The following EEF1AKMT3 variants were observed in gnomAD, a reference collection of about 807,000 sequenced individuals.
The protein encoded by EEF1AKMT3 is EEF1A lysine methyltransferase 3, also known as eEF1A-KMT3.
Under a neutral mutation model 17.8 loss-of-function variants are expected in EEF1AKMT3, and 17 were observed. The observed-to-expected ratio is 0.96, with a 90% CI of 0.65 to 1.43. The LOEUF (loss-of-function observed/expected upper bound fraction) is 1.43, where lower values mean the gene tolerates loss of function less well. EEF1AKMT3 is among the 40% of genes most tolerant of loss of function. EEF1AKMT3 has a pLI of 0.00. For missense variants in EEF1AKMT3, 244 were observed against 285.8 expected, an observed-to-expected ratio of 0.85 and a Z score of 1.06; for synonymous variants, 116 against 126.5, an observed-to-expected ratio of 0.92 and a Z score of 0.56.
intron 2 of EEF1AKMT3, among the ~76,000 whole-genome samples, chr12:57,779,364 A>G (rs1441361148): frequency 2.6e-5 from 4 of 152,106 alleles, no homozygotes; most frequent in Non-Finnish European, 5.9e-5. Context: ...CCACTGGACC[A>G]TAAGCTCTGT....
At position 57,772,948 on chromosome 12, in the gene EEF1AKMT3, C is replaced by T. The variant is rs1433694313; in HGVS notation, c.177+47C>T. ...GTGAGGGTCCGTGGGAGGTCCAGATCCCGGACTCCGCCTCTCCCATATGGA... is the reference window on the plus strand; with the variant it reads ...GTGAGGGTCCGTGGGAGGTCCAGATTCCGGACTCCGCCTCTCCCATATGGA... On this transcript the variant is annotated intron_variant, in intron 1 of 2. Transcript: ENST00000300209. The surrounding 1 kb of genome is among the most constrained non-coding windows in gnomAD (Gnocchi z 4.1). 20 of 1,612,848 alleles carry T rather than the reference C, an allele frequency of 1.2e-5. No individual in the cohort carries two copies. The highest frequency in any genetic ancestry group is 1.7e-5 in the Non-Finnish European group (20 of 1,179,014).
chr12:57,775,864 G>A (rs1955477573), intron 2 of EEF1AKMT3, among the ~76,000 whole-genome samples: 1 of 152,040 alleles, frequency 6.6e-6, no homozygotes, highest in Non-Finnish European at 1.5e-5. Flanking sequence ...CCTTTGACAC[G>A]ACCCTCTTTC....
chr12:57,775,360 C>G (rs1044862344), intron 2 of EEF1AKMT3, among the ~76,000 whole-genome samples: 8 of 150,196 alleles, frequency 5.3e-5, no homozygotes, highest in African/African-American at 1.9e-4. Context: ...TCACCCAGTC[C>G]TATGAGTTAA....
rs1435634543 is a variant in EEF1AKMT3 at position 57,772,808 on chromosome 12, G to A, written c.84G>A (p.Ser28=). 3.1e-6 allele frequency: 5 copies of A among 1,614,048 alleles called. No individual in the cohort carries two copies. The African/African-American group carries it at 6.7e-5, about 22-fold the overall frequency. The change falls in exon 1 of 3, where the codon TCG becomes TCA. Residue 28 remains serine, a synonymous_variant. Transcript: ENST00000300209. The surrounding 1 kb of genome is among the most constrained non-coding windows in gnomAD (Gnocchi z 4.1). ...TCGGGCTCTTTGCAGACTCTTACTC[G>A]GAGAAGAGCCAGTTCTGTTTCTGTG... is the stretch of plus-strand genomic sequence containing the variant. ...REVGLFADSY[S]EKSQFCFCGH...
At chr12:57,776,255 AC>A (rs1435503275) in intron 2 of EEF1AKMT3, among the ~76,000 whole-genome samples, 2 of 151,568 alleles carry the variant, frequency 1.3e-5, no homozygotes, top group Non-Finnish European at 3.0e-5. Context: ...AGTTCCTCAA[AC>A]CTACTCTGAT....
intron 2 of EEF1AKMT3, among the ~76,000 whole-genome samples, chr12:57,774,920 A>G (rs943489282): frequency 4.6e-5 from 7 of 152,028 alleles, no homozygotes; most frequent in Admixed American, 3.9e-4. Context: ...AGCCTGACCA[A>G]CATGGAGAAA....
At position 57,781,746 on chromosome 12, in the gene EEF1AKMT3, C is replaced by G. The variant is rs1442883571; in HGVS notation, c.*1100C>G. On this transcript the variant is annotated 3_prime_UTR_variant, in exon 3 of 3. Transcript: ENST00000300209. ...AGTTCCTAATGTGTTTTGCCTTAAC[C>G]TCTTTTCTCTTCCCACATTGGTACT... 2 of 152,024 alleles carry G rather than the reference C, an allele frequency of 1.3e-5. No homozygotes were observed. Among genetic ancestry groups the G allele is most frequent in the Non-Finnish European group, 1.5e-5 (1 of 67,998 alleles). The allele number at this position is 152,024 out of a possible 1,614,324, so 9.4% of individuals were successfully genotyped here. A position where few individuals can be genotyped will look rare whatever the true frequency, so the allele number is the denominator to read the frequency against.
chr12:57,773,270 G>T (rs1955456871), intron 2 of EEF1AKMT3, 142 bp downstream of exon 2: 3 of 795,212 alleles, frequency 3.8e-6, no homozygotes, highest in Non-Finnish European at 5.8e-6. Context: ...TTTAAAATTT[G>T]TTTTTGTTTT....
At chr12:57,774,523 T>C in intron 2 of EEF1AKMT3, 1 of 604,914 alleles carries the variant, frequency 1.7e-6, no homozygotes, top group East Asian at 2.8e-5. Context: ...AGGCATTCAT[T>C]CTTCTATTCA....
Position 57,772,853 on chromosome 12 carries a change from G to C in EEF1AKMT3, c.129G>C (p.Thr43=). The change falls in exon 1 of 3, where the codon ACG becomes ACC. Residue 43 remains threonine, a synonymous_variant. Transcript: ENST00000300209. This position sits in a 1 kb window ranked among gnomAD's most constrained non-coding sequence, Gnocchi z 4.1. ...FCFCGHVLTI[T]QNFGSRLGVA... Reference sequence around the variant, plus strand: ...TCTGTGGGCATGTGCTGACCATCACGCAGAACTTTGGGTCCCGCCTCGGGG... The same window carrying C: ...TCTGTGGGCATGTGCTGACCATCACCCAGAACTTTGGGTCCCGCCTCGGGG... 6.2e-7 allele frequency: 1 copy of C among 1,614,194 alleles called. No homozygotes were observed. The highest frequency in any genetic ancestry group is 8.5e-7 in the Non-Finnish European group (1 of 1,180,012).
In EEF1AKMT3 at chr12:57,781,027, G is replaced by A. The variant is rs1363319801; in HGVS notation, c.*381G>A. 2.3e-5 allele frequency: 5 copies of A among 216,354 alleles called. No homozygotes were observed. Among genetic ancestry groups the A allele is most frequent in the Non-Finnish European group, 4.5e-5 (5 of 110,890 alleles). The allele number at this position is 216,354 out of a possible 1,614,324, so 13.4% of individuals were successfully genotyped here. On this transcript the variant is annotated 3_prime_UTR_variant, in exon 3 of 3. Coordinates refer to ENST00000300209, the MANE Select transcript of EEF1AKMT3 (RefSeq NM_015433.3). ...TTCCTGTTGCTGTTTACACAGAATGGACTTTAAAAAAATTCTGTGGGATTT... is the reference window on the plus strand; with the variant it reads ...TTCCTGTTGCTGTTTACACAGAATGAACTTTAAAAAAATTCTGTGGGATTT...
intron 2 of EEF1AKMT3, among the ~76,000 whole-genome samples, chr12:57,777,914 G>A (rs755476288): frequency 1.3e-5 from 2 of 151,720 alleles, no homozygotes; most frequent in Non-Finnish European, 2.9e-5. Context: ...AGCTACTTGC[G>A]AGGCTGAGGC....
chr12:57,778,202 C>G (rs1955491655), intron 2 of EEF1AKMT3, among the ~76,000 whole-genome samples: 2 of 151,280 alleles, frequency 1.3e-5, no homozygotes, highest in African/African-American at 4.9e-5. Context: ...TCTTCCTGTC[C>G]AAATTGCGCC....
rs1056769460 is a variant in EEF1AKMT3, at chr12:57,775,708, C to T, written c.289+2580C>T. ...CACTGGCATCTCTTGCCTGGATTTT[C>T]GCAAGGGCCTTCAAGCTTCTTCTGG... On this transcript the variant is annotated intron_variant, in intron 2 of 2. Coordinates refer to ENST00000300209, the MANE Select transcript of EEF1AKMT3 (RefSeq NM_015433.3). Among the ~76,000 whole-genome samples the T allele has an allele frequency of 5.3e-5, 8 of 152,148 alleles. No homozygotes were observed. In the East Asian group the frequency reaches 5.8e-4, roughly 11 times the overall value.
intron 2 of EEF1AKMT3, 122 bp from the exon 3 acceptor site, chr12:57,780,133 T>C (rs1955503202): frequency 1.7e-6 from 2 of 1,196,938 alleles, no homozygotes; most frequent in African/African-American, 1.5e-5. Flanking sequence ...AAAGCCAGTG[T>C]GGGCTCTGGG....
chr12:57,777,745 C>T (rs539306473), intron 2 of EEF1AKMT3, among the ~76,000 whole-genome samples: 12 of 152,136 alleles, frequency 7.9e-5, no homozygotes, highest in Non-Finnish European at 1.5e-4. Context: ...TGAAGCCGGA[C>T]GCGGTGGCTT....
intron 2 of EEF1AKMT3, among the ~76,000 whole-genome samples, chr12:57,773,397 T>C (rs1168761391): frequency 1.3e-5 from 2 of 151,178 alleles, no homozygotes; most frequent in Non-Finnish European, 2.9e-5. Context: ...GAAGGAGTTG[T>C]TTCTATCGTG....
intron 2 of EEF1AKMT3, among the ~76,000 whole-genome samples, chr12:57,776,441 G>A (rs1955480723): frequency 6.6e-6 from 1 of 152,196 alleles, no homozygotes. Flanking sequence ...ACACAACTGT[G>A]CTAACTGGGC....
rs773723175 is a variant in EEF1AKMT3 at position 57,772,909 on chromosome 12, A to T, written c.177+8A>T. 6.2e-7 allele frequency: 1 copy of T among 1,613,810 alleles called. No homozygotes were observed. The highest frequency in any genetic ancestry group is 1.7e-5 in the Admixed American group (1 of 60,004). On this transcript the variant is annotated splice_region_variant and intron_variant, in intron 1 of 2. Coordinates refer to ENST00000300209, the MANE Select transcript of EEF1AKMT3 (RefSeq NM_015433.3). The surrounding 1 kb of genome is among the most constrained non-coding windows in gnomAD (Gnocchi z 4.1). ...GCGCGCGTGTGGGACGCGGTGAGGA[A>T]TGGGCTGCGCCGGGTGAGGGTCCGT...
Sources: allele counts gnomAD v4.1 joint callset (sites outside exome capture counted in the v4.1 genomes callset), GRCh38; gene constraint gnomAD v4.1.1; non-coding constraint Gnocchi (gnomAD v3.1); transcripts MANE v1.5; gene names NCBI Gene and HGNC (gene_info 2026-07-23, HGNC 2026-07-21).